The following MNS1 variants were observed in gnomAD, a reference collection of about 807,000 sequenced individuals.
MNS1 encodes meiosis-specific nuclear structural protein 1.
MNS1 carries 63 observed loss-of-function variants against 72.0 expected under a neutral mutation model. That is an observed-to-expected ratio of 0.87 (90% CI 0.71 to 1.08). The LOEUF (loss-of-function observed/expected upper bound fraction) is 1.08, where lower values mean the gene tolerates loss of function less well. Ranked by LOEUF, MNS1 falls within the 50% of genes least tolerant of loss-of-function variation. The pLI is 0.00. For synonymous variants in MNS1, 188 were observed against 172.1 expected (o/e 1.09, Z -0.72); for missense variants, 604 against 562.4 (o/e 1.07, Z -0.75).
chr15:56,441,320 G>A (rs753649430), intron 7 of MNS1, among the ~76,000 whole-genome samples: 5 of 151,808 alleles, frequency 3.3e-5, no homozygotes, highest in African/African-American at 4.8e-5. Context: ...GATCTATCTC[G>A]GTGAAGGTTC....
At chr15:56,438,992 A>G (rs532147801) in intron 7 of MNS1, among the ~76,000 whole-genome samples, 72 of 152,230 alleles carry the variant, frequency 4.7e-4, no homozygotes, top group Non-Finnish European at 3.1e-4. Context: ...TAAAAAGTAT[A>G]CAGATCAGAA....
intron 7 of MNS1, among the ~76,000 whole-genome samples, chr15:56,439,379 CA>C (rs1164158172): frequency 1.3e-5 from 2 of 151,732 alleles, no homozygotes; most frequent in South Asian, 4.1e-4. Flanking sequence ...AAAATCCCAG[CA>C]AAAAATATTT....
chr15:56,440,239 A>C (rs967955762), intron 7 of MNS1, among the ~76,000 whole-genome samples: 32 of 152,200 alleles, frequency 2.1e-4, no homozygotes, highest in African/African-American at 7.0e-4. Flanking sequence ...TGGATATTTA[A>C]AAGTGGCTAA....
intron 2 of MNS1, among the ~76,000 whole-genome samples, chr15:56,460,320 G>A (rs2051012474): frequency 6.6e-6 from 1 of 151,764 alleles, no homozygotes; most frequent in African/African-American, 2.4e-5. Context: ...CAAGAATAAG[G>A]AAGATTTAAT....
rs144531649 is a variant in MNS1, at chr15:56,452,307, G to A, written c.353+4087C>T. Among the ~76,000 whole-genome samples, 374 of 152,190 alleles carry A rather than the reference G, an allele frequency of 2.5e-3. 3 individuals are homozygous for A. The highest frequency in any genetic ancestry group is 8.7e-3 in the African/African-American group (360 of 41,534). ...CTAGGTGCAAAAGGCCTCTACCTGT[G>A]GAAACACACAGGACACGCTTAATTC... On this transcript the variant is annotated intron_variant, in intron 3 of 9. Transcript: ENST00000260453.
rs748818535 is a variant in MNS1 at position 56,464,139 on chromosome 15, T to G, written c.112A>C (p.Ile38Leu). The part of the protein sequence containing the change: ...VQALKNVNSQ[I>L]RNQMVQNEND... ...TCATTCTGCACCATTTGATTCCTGA[T>G]TTGACTGTTGACGTTTTTTAGAGCT... Residue 38 changes from isoleucine to leucine, a missense_variant, in exon 2 of 10, where the codon ATC becomes CTC. Transcript: ENST00000260453. The G allele has an allele frequency of 6.2e-7, 1 of 1,614,134 alleles. No individual in the cohort carries two copies. The highest frequency in any genetic ancestry group is 8.5e-7 in the Non-Finnish European group (1 of 1,180,002).
chr15:56,443,585 G>T, intron 6 of MNS1, 48 bp from the exon 7 acceptor site: 1 of 1,584,806 alleles, frequency 6.3e-7, no homozygotes, highest in Non-Finnish European at 8.6e-7. Context: ...TCCAAATTCT[G>T]TAACTAATAT....
intron 9 of MNS1, chr15:56,430,099 A>AAAT (rs2050535636): frequency 6.6e-6 from 1 of 152,228 alleles, no homozygotes; most frequent in African/African-American, 2.4e-5. Context: ...ATAATAAAAT[A>AAAT]AATATGCACT....
Position 56,458,391 on chromosome 15 carries a change from T to C in MNS1, c.226-1870A>G, listed in dbSNP as rs970181682. On this transcript the variant is annotated intron_variant, in intron 2 of 9. Coordinates refer to ENST00000260453, the MANE Select transcript of MNS1 (RefSeq NM_018365.4). ...CCTACACATGCTCAGCTTCCCCTTC[T>C]ATCAGCCTCCTCCATTAGACTGGTA... Among the ~76,000 whole-genome samples the C allele has an allele frequency of 3.9e-5, 6 of 152,212 alleles. 1 individual carries two copies. Among genetic ancestry groups the C allele is most frequent in the African/African-American group, 7.2e-5 (3 of 41,464 alleles).
At chr15:56,458,396 GCCT>G (rs1274783992) in intron 2 of MNS1, among the ~76,000 whole-genome samples, 1 of 152,068 alleles carries the variant, frequency 6.6e-6, no homozygotes, top group African/African-American at 2.4e-5. Flanking sequence ...CCTTCTATCA[GCCT>G]CCTCCATTAG....
At position 56,429,275 on chromosome 15, in the gene MNS1, T is replaced by A. The variant is rs78929495; in HGVS notation, c.1396-82A>T. 27 of 842,248 alleles carry A rather than the reference T, an allele frequency of 3.2e-5. No individual in the cohort carries two copies. The East Asian group carries it at 6.9e-4, about 21-fold the overall frequency. 52.2% of individuals were successfully genotyped at this position (842,248 alleles called of 1,614,324 possible). A position where few individuals can be genotyped will look rare whatever the true frequency, so the allele number is the denominator to read the frequency against. The stretch of plus-strand genomic sequence containing the variant: ...CTTTTAAGACTGACAGACATAAGAT[T>A]AGTAAAGTTATCTCCAAGGTAATGA... On this transcript the variant is annotated intron_variant, in intron 9 of 9. Transcript: ENST00000260453.
intron 7 of MNS1, among the ~76,000 whole-genome samples, chr15:56,436,686 T>G (rs1388707436): frequency 6.6e-6 from 1 of 151,754 alleles, no homozygotes; most frequent in African/African-American, 2.4e-5. Context: ...TCTGAGAAGA[T>G]CAACAAAATT....
intron 7 of MNS1, among the ~76,000 whole-genome samples, chr15:56,437,314 C>T (rs185528824): frequency 2.0e-5 from 3 of 152,242 alleles, no homozygotes; most frequent in East Asian, 1.9e-4. Context: ...TTTCAACATA[C>T]ACAAATCAAT....
At chr15:56,430,163 T>C (rs1349721032) in intron 9 of MNS1, 5 of 152,110 alleles carry the variant, frequency 3.3e-5, no homozygotes, top group African/African-American at 9.7e-5. Flanking sequence ...AAGATGGCGA[T>C]CTTATTTATA....
At chr15:56,461,676 A>AC (rs1158460019) in intron 2 of MNS1, among the ~76,000 whole-genome samples, 7 of 151,118 alleles carry the variant, frequency 4.6e-5, no homozygotes, top group Admixed American at 1.3e-4. Context: ...AAAAAAAAAA[A>AC]AAAAAACGAC....
intron 7 of MNS1, among the ~76,000 whole-genome samples, chr15:56,437,672 A>G (rs1419362577): frequency 2.0e-5 from 3 of 152,318 alleles, no homozygotes; most frequent in South Asian, 4.1e-4. Context: ...GAGGAAGTCA[A>G]ATTGTCCTTG....
At chr15:56,457,388 T>C (rs1207022360) in intron 2 of MNS1, among the ~76,000 whole-genome samples, 3 of 152,176 alleles carry the variant, frequency 2.0e-5, no homozygotes, top group Non-Finnish European at 4.4e-5. Context: ...CAAGGAGATA[T>C]TACTACGTAC....
At chr15:56,453,653 T>C (rs2050962325) in intron 3 of MNS1, among the ~76,000 whole-genome samples, 1 of 152,182 alleles carries the variant, frequency 6.6e-6, no homozygotes, top group African/African-American at 2.4e-5. Context: ...CAATTAATTA[T>C]AACTACTAAT....
At position 56,465,044 on chromosome 15, in the gene MNS1, C is replaced by T. The variant is rs531565422; in HGVS notation, c.-72G>A. 7.5e-4 allele frequency: 1,186 copies of T among 1,589,734 alleles called. 1 individual carries two copies. Among genetic ancestry groups the T allele is most frequent in the Non-Finnish European group, 9.3e-4 (1,089 of 1,169,570 alleles). The stretch of plus-strand genomic sequence containing the variant: ...CTCCCGCCGCAAACGCAGCAGCCAG[C>T]AGCCCCAAGGAGCGCACCTGGCTGC... On this transcript the variant is annotated 5_prime_UTR_variant, in exon 1 of 10. Coordinates refer to ENST00000260453, the MANE Select transcript of MNS1 (RefSeq NM_018365.4).
Sources: allele counts gnomAD v4.1 joint callset (sites outside exome capture counted in the v4.1 genomes callset), GRCh38; gene constraint gnomAD v4.1.1; transcripts MANE v1.5; gene names NCBI Gene and HGNC (gene_info 2026-07-23, HGNC 2026-07-21).